Variants in ELOVL7 observed in about 807,000 individuals in gnomAD.
ELOVL7 encodes the protein ELOVL fatty acid elongase 7, also known as very long chain fatty acid elongase 7.
ELOVL7 carries 27 observed loss-of-function variants against 35.7 expected under a neutral mutation model. That is an observed-to-expected ratio of 0.76 (90% CI 0.56 to 1.04). ELOVL7 has a LOEUF of 1.04. ELOVL7 is among the 50% of genes least tolerant of loss of function. The probability of loss-of-function intolerance (pLI) is 0.00; values close to 1 mark genes in which losing one functional copy is unlikely to be tolerated. For missense variants in ELOVL7, 327 were observed against 340.8 expected (o/e 0.96, Z 0.32); for synonymous variants, 113 against 114.6 (o/e 0.99, Z 0.09).
intron 1 of ELOVL7, among the ~76,000 whole-genome samples, chr5:60,811,303 G>A (rs2112320366): frequency 6.6e-6 from 1 of 152,096 alleles, no homozygotes; most frequent in East Asian, 1.9e-4. Context: ...ACTATATATA[G>A]CATAGAAGAT....
chr5:60,800,121 A>C (rs887621228), intron 1 of ELOVL7, among the ~76,000 whole-genome samples: 22 of 151,962 alleles, frequency 1.4e-4, no homozygotes, highest in African/African-American at 4.8e-4. Context: ...ATACTTCCTG[A>C]ACTCATTTCA....
intron 1 of ELOVL7, among the ~76,000 whole-genome samples, chr5:60,837,920 G>A (rs1047381786): frequency 6.6e-6 from 1 of 152,128 alleles, no homozygotes; most frequent in South Asian, 2.1e-4. Context: ...TGGGCAACAA[G>A]AGCAAAACTC....
intron 1 of ELOVL7, among the ~76,000 whole-genome samples, chr5:60,820,154 G>A (rs1380090036): frequency 2.0e-5 from 3 of 152,154 alleles, no homozygotes; most frequent in Non-Finnish European, 2.9e-5. Flanking sequence ...CTGGAAACAG[G>A]AACCTCTGTC....
chr5:60,804,205 T>C (rs1315161852), intron 1 of ELOVL7, among the ~76,000 whole-genome samples: 1 of 152,120 alleles, frequency 6.6e-6, no homozygotes, highest in African/African-American at 2.4e-5. Flanking sequence ...TTAGCACGAG[T>C]GCTAAACATT....
intron 6 of ELOVL7, among the ~76,000 whole-genome samples, chr5:60,765,017 C>A (rs960140777): frequency 6.6e-6 from 1 of 151,970 alleles, no homozygotes; most frequent in Non-Finnish European, 1.5e-5. Flanking sequence ...ATTAAGAATA[C>A]GAGTGTTAAG....
At chr5:60,801,053 G>A (rs769754602) in intron 1 of ELOVL7, among the ~76,000 whole-genome samples, 2 of 152,090 alleles carry the variant, frequency 1.3e-5, no homozygotes, top group East Asian at 1.9e-4. Flanking sequence ...ATAGCCTCCC[G>A]AGTAGCTGGG....
At position 60,754,619 on chromosome 5, in the gene ELOVL7, G is replaced by C; in HGVS notation, c.*5C>G. 1.2e-6 allele frequency: 2 copies of C among 1,612,132 alleles called. No individual in the cohort carries two copies. Among genetic ancestry groups the C allele is most frequent in the South Asian group, 2.2e-5 (2 of 90,994 alleles). On this transcript the variant is annotated 3_prime_UTR_variant, in exon 9 of 9. Coordinates refer to ENST00000508821, the MANE Select transcript of ELOVL7 (RefSeq NM_024930.3). ...TCAGTTTCGATCATAGACTTATGTT[G>C]GGCTTCAATTATCTTTGTTTTTGCA... is the stretch of plus-strand genomic sequence containing the variant.
intron 3 of ELOVL7, among the ~76,000 whole-genome samples, chr5:60,786,808 G>C (rs1028709750): frequency 2.0e-5 from 3 of 151,974 alleles, no homozygotes; most frequent in Non-Finnish European, 4.4e-5. Context: ...CAGGCATGGT[G>C]GTGGGTGCCT....
chr5:60,787,301 G>C (rs1743657914), intron 3 of ELOVL7, 33 bp downstream of exon 3: 7 of 1,536,692 alleles, frequency 4.6e-6, no homozygotes, highest in Non-Finnish European at 5.3e-6. Flanking sequence ...AAAAAGGAAG[G>C]ATGAACCTCA....
intron 1 of ELOVL7, among the ~76,000 whole-genome samples, chr5:60,830,615 T>TC (rs1746428077): frequency 6.6e-6 from 1 of 151,494 alleles, no homozygotes; most frequent in Admixed American, 6.6e-5. Context: ...CTTTCTTTTT[T>TC]TTTTTTTTTG....
At chr5:60,761,951 G>C (rs1383497208) in intron 7 of ELOVL7, among the ~76,000 whole-genome samples, 1 of 151,976 alleles carries the variant, frequency 6.6e-6, no homozygotes, top group Non-Finnish European at 1.5e-5. Flanking sequence ...AGATCGAAGG[G>C]GGCTCGGTTA....
intron 3 of ELOVL7, among the ~76,000 whole-genome samples, chr5:60,773,432 GACTGATAACTC>G (rs1392151022): frequency 1.2e-4 from 18 of 152,150 alleles, no homozygotes; most frequent in African/African-American, 4.3e-4. Flanking sequence ...AGGACTCTAT[GACTGATAACTC>G]ACTTGGCCTC....
rs568783531 is a variant in ELOVL7, at chr5:60,837,128, A to G, written c.-86+7032T>C. Among the ~76,000 whole-genome samples the G allele has an allele frequency of 2.0e-5, 3 of 151,846 alleles. No homozygotes were observed. The East Asian group carries it at 5.8e-4, about 29-fold the overall frequency. On this transcript the variant is annotated intron_variant, in intron 1 of 8. Transcript: ENST00000508821. ...CTGGCTTCAAAGGATTCATTAGAAA[A>G]TACAAGTAAAGAGACTCACTGCAGG...
At chr5:60,827,962 C>A (rs1746269362) in intron 1 of ELOVL7, among the ~76,000 whole-genome samples, 1 of 151,722 alleles carries the variant, frequency 6.6e-6, no homozygotes, top group African/African-American at 2.4e-5. Context: ...CAGAGGCACA[C>A]CCCCATCTAG....
chr5:60,838,966 T>C (rs570837945), intron 1 of ELOVL7, among the ~76,000 whole-genome samples: 1 of 150,660 alleles, frequency 6.6e-6, no homozygotes, highest in African/African-American at 2.4e-5. Context: ...GAGGTTGCAG[T>C]GAGCAGAGAT....
intron 7 of ELOVL7, among the ~76,000 whole-genome samples, chr5:60,759,859 A>G (rs976891521): frequency 2.0e-5 from 3 of 151,896 alleles, no homozygotes; most frequent in Non-Finnish European, 4.4e-5. Flanking sequence ...TCATTGTTCA[A>G]TTCCCACCTA....
intron 2 of ELOVL7, among the ~76,000 whole-genome samples, chr5:60,794,844 C>T (rs1744151962): frequency 6.6e-6 from 1 of 152,110 alleles, no homozygotes; most frequent in Admixed American, 6.6e-5. Flanking sequence ...AAATGAACTG[C>T]AGGAAGGTAC....
chr5:60,798,537 A>G (rs1437666777), intron 2 of ELOVL7, among the ~76,000 whole-genome samples: 1 of 152,246 alleles, frequency 6.6e-6, no homozygotes, highest in Non-Finnish European at 1.5e-5. Flanking sequence ...AGTTTGAAAT[A>G]AAAATAAAGC....
chr5:60,824,020 A>G (rs572929627), intron 1 of ELOVL7, among the ~76,000 whole-genome samples: 1 of 152,330 alleles, frequency 6.6e-6, no homozygotes, highest in South Asian at 2.1e-4. Flanking sequence ...GCAGAGGATT[A>G]CTGTAGGATT....
Sources: gnomAD v4.1 joint callset for allele counts (sites outside exome capture counted in the v4.1 genomes callset) on GRCh38, gnomAD v4.1.1 for gene constraint, MANE v1.5 for transcripts, NCBI Gene and HGNC (gene_info 2026-07-23, HGNC 2026-07-21) for gene names.